ITPK1: variants seen among roughly 807,000 people sequenced by gnomAD.
The protein encoded by ITPK1 is inositol-tetrakisphosphate 1-kinase.
A neutral mutation model predicts 45.3 loss-of-function variants in ITPK1; 21 were observed. That is an observed-to-expected ratio of 0.46 (90% confidence interval 0.33 to 0.67). ITPK1 has a LOEUF of 0.67. Among genes scored for constraint, ITPK1 ranks in the 30% least tolerant of loss-of-function variants. The probability of loss-of-function intolerance (pLI) is 0.02; values close to 1 mark genes in which losing one functional copy is unlikely to be tolerated. For missense variants in ITPK1, 474 were observed against 573.5 expected, an observed-to-expected ratio of 0.83 and a Z score of 1.77; for synonymous variants, 258 against 253.6, an observed-to-expected ratio of 1.02 and a Z score of -0.16.
chr14:93,102,125 A>G (rs1424914909), intron 2 of ITPK1, among the ~76,000 whole-genome samples: 2 of 152,240 alleles, frequency 1.3e-5, no homozygotes, highest in African/African-American at 4.8e-5. Context: ...AGCTCCCCCA[A>G]AAGAACGAGG....
chr14:92,962,921 C>A, intron 5 of ITPK1, 72 bp from the exon 6 acceptor site: 2 of 1,042,042 alleles, frequency 1.9e-6, no homozygotes, highest in Admixed American at 2.2e-5. Context: ...TGTGACAGCC[C>A]GCCCCACCCC....
intron 3 of ITPK1, chr14:93,070,394 A>C (rs1307497353): frequency 6.6e-6 from 1 of 152,358 alleles, no homozygotes; most frequent in African/African-American, 2.4e-5. Flanking sequence ...GACAGCACCT[A>C]GCAAGGCTGA....
chr14:92,994,965 G>A (rs12435325), intron 4 of ITPK1, among the ~76,000 whole-genome samples: 12,139 of 152,252 alleles, frequency 0.08, 541 homozygotes, highest in East Asian at 0.19. Context: ...TTTCTTAGGA[G>A]AGAAATCTGA....
chr14:93,004,625 T>C (rs937481914), intron 4 of ITPK1, among the ~76,000 whole-genome samples: 2 of 151,964 alleles, frequency 1.3e-5, no homozygotes, highest in African/African-American at 2.4e-5. Flanking sequence ...TGAGTGTGTG[T>C]GTGTGCGTGC....
intron 2 of ITPK1, among the ~76,000 whole-genome samples, chr14:93,098,786 G>A (rs1425071536): frequency 1.3e-5 from 2 of 152,198 alleles, no homozygotes; most frequent in Non-Finnish European, 2.9e-5. Context: ...AGGCAGGGCA[G>A]AACGGCTTCC....
chr14:93,033,949 G>A (rs970478912), intron 3 of ITPK1, among the ~76,000 whole-genome samples: 1 of 152,102 alleles, frequency 6.6e-6, no homozygotes, highest in Non-Finnish European at 1.5e-5. Flanking sequence ...GGGGACTGAG[G>A]ATGGGGCAGG....
At chr14:93,027,835 A>G (rs1325857503) in intron 3 of ITPK1, among the ~76,000 whole-genome samples, 1 of 152,210 alleles carries the variant, frequency 6.6e-6, no homozygotes. Flanking sequence ...GCTTTGGCTG[A>G]GCACAAGGGG....
intron 4 of ITPK1, among the ~76,000 whole-genome samples, chr14:92,996,521 T>C (rs1011630063): frequency 1.3e-5 from 2 of 151,288 alleles, no homozygotes. Context: ...ACATGGCACA[T>C]GTATACATAG....
At chr14:92,954,562 T>A (rs1888107020) in intron 8 of ITPK1, among the ~76,000 whole-genome samples, 1 of 152,202 alleles carries the variant, frequency 6.6e-6, no homozygotes, top group Admixed American at 6.5e-5. Flanking sequence ...ACCACCAACG[T>A]TCTACAGGGA....
rs376993911 is a variant in ITPK1 at position 93,034,386 on chromosome 14, G to T, written c.121-17585C>A. Among the ~76,000 whole-genome samples, 2 of 152,086 alleles carry T rather than the reference G, an allele frequency of 1.3e-5. No individual in the cohort carries two copies. Among genetic ancestry groups the T allele is most frequent in the Non-Finnish European group, 2.9e-5 (2 of 68,024 alleles). ...TCCTGAGTCTCTTGATTCTGACCCAGAAAACTCTTCTGGGGGCCCTACAGG... is the reference window on the plus strand; with the variant it reads ...TCCTGAGTCTCTTGATTCTGACCCATAAAACTCTTCTGGGGGCCCTACAGG... On this transcript the variant is annotated intron_variant, in intron 3 of 10. Transcript: ENST00000267615. The surrounding 1 kb of genome is among the most constrained non-coding windows in gnomAD (Gnocchi z 4.1).
intron 2 of ITPK1, among the ~76,000 whole-genome samples, chr14:93,108,571 A>G (rs1179470438): frequency 3.9e-5 from 6 of 152,232 alleles, no homozygotes; most frequent in African/African-American, 9.6e-5. Flanking sequence ...CAATCTCACT[A>G]TCTCACTAGG....
At chr14:93,021,968 G>T (rs773032028) in intron 3 of ITPK1, among the ~76,000 whole-genome samples, 5 of 152,268 alleles carry the variant, frequency 3.3e-5, no homozygotes, top group Non-Finnish European at 7.4e-5. Context: ...CATAAGAGTG[G>T]GTAACTTTTC....
chr14:92,953,854 A>G (rs72704291), intron 8 of ITPK1, among the ~76,000 whole-genome samples: 11,478 of 152,182 alleles, frequency 0.075, 640 homozygotes, highest in East Asian at 0.32. Context: ...AGTCCAGGAC[A>G]TTTCAAAAGG....
intron 5 of ITPK1, among the ~76,000 whole-genome samples, chr14:92,972,554 C>T (rs1455873455): frequency 1.3e-5 from 2 of 152,148 alleles, no homozygotes; most frequent in African/African-American, 2.4e-5. Flanking sequence ...ATGCAGCCCA[C>T]GCAAATGAAT....
In ITPK1 at chr14:92,941,663, G is replaced by A. The variant is rs780548601; in HGVS notation, c.1143C>T (p.Thr381=). ...PWKAEADAGG[T]AKLPHQRLGC... ...CGAGTCTCTGGTGCGGCAGCTTGGC[G>A]GTGCCGCCCGCGTCGGCCTCAGCCT... Residue 381 remains threonine, a synonymous_variant, in exon 11 of 11, where the codon ACC becomes ACT. Coordinates refer to ENST00000267615, the MANE Select transcript of ITPK1 (RefSeq NM_014216.6). 3.7e-5 allele frequency: 57 copies of A among 1,540,174 alleles called. No homozygotes were observed. The highest frequency in any genetic ancestry group is 1.9e-4 in the South Asian group (16 of 83,970).
At chr14:93,038,109 A>C (rs1267737733) in intron 3 of ITPK1, among the ~76,000 whole-genome samples, 1 of 151,990 alleles carries the variant, frequency 6.6e-6, no homozygotes, top group African/African-American at 2.4e-5. Flanking sequence ...CTAGAGTGCA[A>C]TGGCACAGTC....
At chr14:93,022,846 AAAAC>A (rs1888540253) in intron 3 of ITPK1, among the ~76,000 whole-genome samples, 2 of 152,266 alleles carry the variant, frequency 1.3e-5, no homozygotes, top group African/African-American at 4.8e-5. Flanking sequence ...AAAAACAACA[AAAAC>A]AAAAAAACAA....
At chr14:93,086,024 A>T (rs1483106204) in intron 2 of ITPK1, among the ~76,000 whole-genome samples, 1 of 152,092 alleles carries the variant, frequency 6.6e-6, no homozygotes, top group Non-Finnish European at 1.5e-5. Flanking sequence ...CTCAGGGCTA[A>T]TGATTCAGTT....
chr14:93,054,294 T>C (rs1229443730), intron 3 of ITPK1, among the ~76,000 whole-genome samples: 1 of 151,898 alleles, frequency 6.6e-6, no homozygotes, highest in Non-Finnish European at 1.5e-5. Flanking sequence ...TAAACGCAGG[T>C]TTTAATAAAC....
Sources: gnomAD v4.1 joint callset for allele counts (sites outside exome capture counted in the v4.1 genomes callset) on GRCh38, gnomAD v4.1.1 for gene constraint, Gnocchi (gnomAD v3.1) non-coding constraint, MANE v1.5 for transcripts, NCBI Gene and HGNC (gene_info 2026-07-23, HGNC 2026-07-21) for gene names.